The following HYDIN variants were observed in gnomAD, a reference collection of about 807,000 sequenced individuals.
HYDIN encodes the protein HYDIN axonemal central pair apparatus protein, also known as axonemal central pair apparatus protein HYDIN.
A neutral mutation model predicts 403.9 loss-of-function variants in HYDIN; 132 were observed. That is an observed-to-expected ratio of 0.33 (90% CI 0.28 to 0.38). The LOEUF (loss-of-function observed/expected upper bound fraction) is 0.38. Among genes scored for constraint, HYDIN ranks in the 10% least tolerant of loss-of-function variants. The pLI is 1.00. For synonymous variants in HYDIN, 1,202 were observed against 1,891.7 expected (o/e 0.64, Z 9.46); for missense variants, 2,827 against 5,009.5 (o/e 0.56, Z 13.15).
At chr16:70,903,345 T>A (rs1449313318) in intron 52 of HYDIN, among the ~76,000 whole-genome samples, 2 of 139,416 alleles carry the variant, frequency 1.4e-5, no homozygotes, top group Non-Finnish European at 3.1e-5. Context: ...AGAAAGCTGG[T>A]CCTTCTGCAG....
chr16:71,204,338 T>C (rs548932929), intron 1 of HYDIN, among the ~76,000 whole-genome samples: 2 of 152,324 alleles, frequency 1.3e-5, no homozygotes, highest in East Asian at 3.9e-4. Flanking sequence ...AACTTGGATT[T>C]ACTCATTGAC....
intron 18 of HYDIN, among the ~76,000 whole-genome samples, chr16:71,054,987 T>C (rs1250574590): frequency 6.6e-6 from 1 of 152,408 alleles, no homozygotes; most frequent in Non-Finnish European, 1.5e-5. Flanking sequence ...CCCCTCTGCA[T>C]AAAATGAAGT....
intron 35 of HYDIN, among the ~76,000 whole-genome samples, chr16:70,971,184 A>G (rs1210644109): frequency 6.6e-6 from 1 of 152,218 alleles, no homozygotes; most frequent in Non-Finnish European, 1.5e-5. Context: ...GGGAAATGAT[A>G]CCATCTGGAA....
chr16:71,069,464 A>G lies in HYDIN; in HGVS notation c.1777T>C (p.Ser593Pro). Reference protein sequence around the residue: ...HTLICSLNNTSLIPMTYKLRI... With the variant: ...HTLICSLNNTPLIPMTYKLRI... Reference sequence around the variant, plus strand: ...AGTTTGTAAGTCATGGGGATCAAAGAGGTATTATTGAGGGAACATATCAAG... The same window carrying G: ...AGTTTGTAAGTCATGGGGATCAAAGGGGTATTATTGAGGGAACATATCAAG... The change falls in exon 14 of 86, where the codon TCT becomes CCT. Residue 593 changes from serine to proline, a missense_variant. Physicochemically the swap from Ser to Pro is moderately conservative, Grantham distance 74. Coordinates refer to ENST00000393567, the MANE Select transcript of HYDIN (RefSeq NM_001270974.2). 6.2e-7 allele frequency: 1 copy of G among 1,613,910 alleles called. No homozygotes were observed. The highest frequency in any genetic ancestry group is 8.5e-7 in the Non-Finnish European group (1 of 1,179,872).
chr16:70,810,763 G>A (rs969748246), intron 84 of HYDIN, among the ~76,000 whole-genome samples: 8 of 152,092 alleles, frequency 5.3e-5, no homozygotes, highest in Non-Finnish European at 1.0e-4. Flanking sequence ...CCGGGAAGGA[G>A]AGGTTGCAGT....
intron 35 of HYDIN, among the ~76,000 whole-genome samples, chr16:70,971,606 G>A (rs577821112): frequency 3.3e-5 from 5 of 152,108 alleles, no homozygotes; most frequent in South Asian, 2.1e-4. Context: ...AGGAAATTAC[G>A]CAAATCACAA....
chr16:71,038,845 G>A (rs1446874390), intron 18 of HYDIN, among the ~76,000 whole-genome samples: 1 of 149,624 alleles, frequency 6.7e-6, no homozygotes, highest in Non-Finnish European at 1.5e-5. Flanking sequence ...TTTTTGTAGG[G>A]ACAGGGTTTC....
Position 71,217,272 on chromosome 16 carries a change from A to G in HYDIN, c.-24+13290T>C, listed in dbSNP as rs927447011. On this transcript the variant is annotated intron_variant, in intron 1 of 85. Coordinates refer to ENST00000393567, the MANE Select transcript of HYDIN (RefSeq NM_001270974.2). ...ACATTTACCCCCATTTTAAGTCTCGATGATGCCCCAAGTTGTCGTTCAGAC... is the reference window on the plus strand; with the variant it reads ...ACATTTACCCCCATTTTAAGTCTCGGTGATGCCCCAAGTTGTCGTTCAGAC... 3.3e-5 allele frequency among the ~76,000 whole-genome samples: 5 copies of G among 152,178 alleles called. No individual in the cohort carries two copies. In the South Asian group the frequency reaches 6.2e-4, roughly 19 times the overall value.
At chr16:71,175,813 C>CA (rs2086648603) in intron 4 of HYDIN, 72 bp from the exon 5 acceptor site, 1 of 1,473,852 alleles carries the variant, frequency 6.8e-7, no homozygotes, top group Admixed American at 1.7e-5. Context: ...TGAAATCCAT[C>CA]AACTACTTAC....
At chr16:71,013,447 AGAGT>A (rs2080155248) in intron 23 of HYDIN, among the ~76,000 whole-genome samples, 1 of 151,484 alleles carries the variant, frequency 6.6e-6, no homozygotes, top group Non-Finnish European at 1.5e-5. Flanking sequence ...CTTGCAGAAT[AGAGT>A]GAGTGCTCTG....
Position 71,196,708 on chromosome 16 carries a change from A to C in HYDIN, c.-23-9790T>G, listed in dbSNP as rs149258879. Among the ~76,000 whole-genome samples the C allele has an allele frequency of 1.2e-4, 18 of 152,306 alleles. 1 individual carries two copies. Among genetic ancestry groups the C allele is most frequent in the African/African-American group, 4.3e-4 (18 of 41,570 alleles). On this transcript the variant is annotated intron_variant, in intron 1 of 85. Transcript: ENST00000393567. Reference sequence around the variant, plus strand: ...GGTCAGCACAAGATACAGGTCATAAAGACCTTGCTGATAAAACAGGCTGCA... The same window carrying C: ...GGTCAGCACAAGATACAGGTCATAACGACCTTGCTGATAAAACAGGCTGCA...
intron 41 of HYDIN, among the ~76,000 whole-genome samples, chr16:70,949,006 C>T (rs1341352373): frequency 4.7e-5 from 7 of 148,848 alleles, no homozygotes; most frequent in Non-Finnish European, 9.0e-5. Flanking sequence ...GACACATGCA[C>T]ATGTATGTTT....
At chr16:71,037,762 G>T (rs907383770) in intron 18 of HYDIN, among the ~76,000 whole-genome samples, 4 of 152,168 alleles carry the variant, frequency 2.6e-5, no homozygotes, top group African/African-American at 9.7e-5. Context: ...TGACCTGGGG[G>T]GCCCAGTAGT....
intron 10 of HYDIN, among the ~76,000 whole-genome samples, chr16:71,109,500 T>C (rs2083737775): frequency 1.5e-5 from 2 of 133,718 alleles, no homozygotes; most frequent in Admixed American, 6.8e-5. Flanking sequence ...CTAACAAGTA[T>C]TTCTTAGTGA....
chr16:70,822,474 G>A (rs1597044478), intron 83 of HYDIN, among the ~76,000 whole-genome samples: 5 of 152,246 alleles, frequency 3.3e-5, no homozygotes, highest in African/African-American at 1.2e-4. Context: ...TTGTTGAAAT[G>A]ACAACAAAGG....
At chr16:70,923,363 G>A (rs1235515430) in intron 45 of HYDIN, among the ~76,000 whole-genome samples, 2 of 140,440 alleles carry the variant, frequency 1.4e-5, no homozygotes, top group African/African-American at 2.6e-5. Flanking sequence ...AGCTACTTGG[G>A]AGGGTGAGGC....
intron 57 of HYDIN, among the ~76,000 whole-genome samples, chr16:70,890,555 A>G (rs558239532): frequency 6.6e-6 from 1 of 152,346 alleles, no homozygotes; most frequent in South Asian, 2.1e-4. Flanking sequence ...ACAGAAATAT[A>G]AAACAACTAC....
chr16:71,030,259 C>T (rs1260920641), intron 19 of HYDIN, among the ~76,000 whole-genome samples: 1 of 151,772 alleles, frequency 6.6e-6, no homozygotes, highest in Non-Finnish European at 1.5e-5. Flanking sequence ...CCTATGTTGC[C>T]CAGGCTGGTC....
intron 38 of HYDIN, among the ~76,000 whole-genome samples, chr16:70,961,720 GAA>G (rs1166207436): frequency 6.6e-6 from 1 of 151,866 alleles, no homozygotes; most frequent in Non-Finnish European, 1.5e-5. Flanking sequence ...TAGTCTAGTT[GAA>G]ACACAAATTA....
Sources: gnomAD v4.1 joint callset for allele counts (sites outside exome capture counted in the v4.1 genomes callset) on GRCh38, gnomAD v4.1.1 for gene constraint, MANE v1.5 for transcripts, NCBI Gene and HGNC (gene_info 2026-07-23, HGNC 2026-07-21) for gene names.